The following SYT12 variants were observed in gnomAD, a reference collection of about 807,000 sequenced individuals.
The protein encoded by SYT12 is synaptotagmin-12.
Under a neutral mutation model 39.5 loss-of-function variants are expected in SYT12, and 27 were observed. That is an observed-to-expected ratio of 0.68 (90% CI 0.50 to 0.94). The LOEUF is 0.94. Among genes scored for constraint, SYT12 ranks in the 40% least tolerant of loss-of-function variants. The pLI is 0.00. For synonymous variants in SYT12, 233 were observed against 239.7 expected (o/e 0.97, Z 0.26); for missense variants, 536 against 572.6 (o/e 0.94, Z 0.65).
chr11:67,032,210 A>G (rs1220600395), intron 2 of SYT12: 4 of 152,202 alleles, frequency 2.6e-5, no homozygotes, highest in Admixed American at 2.6e-4. Flanking sequence ...GTGTCTCTGC[A>G]TTGCCACAGT....
chr11:67,023,088 T>C (rs927356701), upstream of SYT12, among the ~76,000 whole-genome samples: 2 of 152,050 alleles, frequency 1.3e-5, no homozygotes, highest in Admixed American at 1.3e-4. Context: ...GAGCGAGGGG[T>C]TGGGCTTGGC....
intron 7 of SYT12, among the ~76,000 whole-genome samples, chr11:67,046,985 G>A (rs1206377635): frequency 6.6e-6 from 1 of 150,594 alleles, no homozygotes; most frequent in Non-Finnish European, 1.5e-5. Context: ...TTTTTTTTGA[G>A]ACAGAGTCTC....
At chr11:67,023,914 C>T (rs1950146479) in intron 1 of SYT12, among the ~76,000 whole-genome samples, 1 of 152,224 alleles carries the variant, frequency 6.6e-6, no homozygotes, top group African/African-American at 2.4e-5. Context: ...AACGTTGCAC[C>T]CCAGCCCGAG....
intron 1 of SYT12, among the ~76,000 whole-genome samples, chr11:67,025,871 G>T (rs1283063050): frequency 2.0e-5 from 3 of 152,212 alleles, no homozygotes. Flanking sequence ...CATGAGGGTT[G>T]TCACTGCTAA....
At chr11:67,007,297 C>T (rs1048188662) in exon 1 of SYT12, 1 of 152,270 alleles carries the variant, frequency 6.6e-6, no homozygotes, top group African/African-American at 2.4e-5. Flanking sequence ...GAGGAACTCT[C>T]ATGCCCTGCG....
intron 3 of SYT12, among the ~76,000 whole-genome samples, chr11:67,016,368 C>T (rs1950059897): frequency 6.6e-6 from 1 of 152,068 alleles, no homozygotes; most frequent in African/African-American, 2.4e-5. Flanking sequence ...TGGGAAGGAG[C>T]TTGGAGCTGG....
At chr11:67,035,843 T>C (rs1354144856) in intron 3 of SYT12, among the ~76,000 whole-genome samples, 4 of 101,216 alleles carry the variant, frequency 4.0e-5, no homozygotes, top group South Asian at 3.5e-4. Flanking sequence ...CCTTCCTTTC[T>C]TTCTTTCTTT....
chr11:67,030,747 A>C (rs1950249024), intron 2 of SYT12: 1 of 152,412 alleles, frequency 6.6e-6, no homozygotes. Flanking sequence ...CCTTTGCCTC[A>C]GCAGGGAGAT....
At chr11:67,038,408 G>A (rs1328732553) in intron 3 of SYT12, among the ~76,000 whole-genome samples, 2 of 151,518 alleles carry the variant, frequency 1.3e-5, no homozygotes, top group African/African-American at 2.4e-5. Context: ...CAGGCGATCC[G>A]CCACCTCAGC....
chr11:67,007,078 G>C (rs1188308117), exon 1 of SYT12: 1 of 152,372 alleles, frequency 6.6e-6, no homozygotes, highest in Non-Finnish European at 1.5e-5. Flanking sequence ...GGGCCGCATG[G>C]TGAGGGAGTG....
intron 3 of SYT12, among the ~76,000 whole-genome samples, chr11:67,017,383 G>A (rs112323026): frequency 6.8e-6 from 1 of 148,044 alleles, no homozygotes. Context: ...TTTTTGAGAC[G>A]GAGTCTTGCT....
intron 3 of SYT12, among the ~76,000 whole-genome samples, chr11:67,017,246 G>T (rs1950065391): frequency 6.6e-6 from 1 of 152,172 alleles, no homozygotes; most frequent in East Asian, 1.9e-4. Flanking sequence ...TTGAGGCCGG[G>T]TATGGTGGCT....
intron 3 of SYT12, among the ~76,000 whole-genome samples, chr11:67,038,811 A>G (rs1461989789): frequency 6.6e-6 from 1 of 150,708 alleles, no homozygotes; most frequent in Non-Finnish European, 1.5e-5. Context: ...ACATACTGAA[A>G]CCCTGTCTCT....
At chr11:67,045,036 A>C (rs1350761136) in intron 6 of SYT12, among the ~76,000 whole-genome samples, 1 of 152,044 alleles carries the variant, frequency 6.6e-6, no homozygotes, top group Admixed American at 6.6e-5. Context: ...CAAGGTGGGC[A>C]TCTGTTCCCT....
upstream of SYT12, among the ~76,000 whole-genome samples, chr11:67,018,412 C>T (rs1419905105): frequency 1.3e-5 from 2 of 152,018 alleles, no homozygotes; most frequent in Non-Finnish European, 2.9e-5. Context: ...GTAGTCCCAG[C>T]TCTTTAGGAG....
intron 2 of SYT12, 56 bp downstream of exon 2, chr11:67,030,234 G>A (rs1950240158): frequency 1.3e-6 from 2 of 1,596,554 alleles, no homozygotes; most frequent in Admixed American, 3.3e-5. Flanking sequence ...CTTACACCAG[G>A]CCTGGGTGGG....
intron 7 of SYT12, among the ~76,000 whole-genome samples, chr11:67,048,277 A>G (rs1205143102): frequency 6.6e-6 from 1 of 151,682 alleles, no homozygotes; most frequent in Non-Finnish European, 1.5e-5. Context: ...TCAAAAAAAA[A>G]AAAAAAAAGG....
chr11:67,046,232 G>T (rs1007219217), intron 7 of SYT12, among the ~76,000 whole-genome samples: 1 of 152,160 alleles, frequency 6.6e-6, no homozygotes, highest in Non-Finnish European at 1.5e-5. Context: ...CAGGCACCCA[G>T]AGTTCCTGCT....
At chr11:67,010,565 C>G (rs7925264) in intron 2 of SYT12, among the ~76,000 whole-genome samples, 5,601 of 152,316 alleles carry the variant, frequency 0.037, 326 homozygotes, top group African/African-American at 0.13. Flanking sequence ...CCAGCTCCAT[C>G]TTAACTGGCT....
Sources: allele counts gnomAD v4.1 joint callset (sites outside exome capture counted in the v4.1 genomes callset), GRCh38; gene constraint gnomAD v4.1.1; transcripts MANE v1.5; gene names NCBI Gene and HGNC (gene_info 2026-07-23, HGNC 2026-07-21).